SNX29: variants seen among roughly 807,000 people sequenced by gnomAD.
SNX29 encodes sorting nexin 29.
In SNX29, 78 loss-of-function variants were observed where a neutral mutation model predicts 102.1. That is an observed-to-expected ratio of 0.76 (90% CI 0.64 to 0.92). The LOEUF is 0.92. Among genes scored for constraint, SNX29 ranks in the 40% least tolerant of loss-of-function variants. The pLI, the probability that SNX29 is intolerant of heterozygous loss-of-function variation, is 0.00. For synonymous variants in SNX29, 580 were observed against 414.5 expected, an observed-to-expected ratio of 1.40 and a Z score of -4.85; for missense variants, 1,280 against 1,061.7, an observed-to-expected ratio of 1.21 and a Z score of -2.86.
intron 15 of SNX29, among the ~76,000 whole-genome samples, chr16:12,320,864 C>T (rs537280046): frequency 3.3e-5 from 5 of 152,278 alleles, no homozygotes; most frequent in Admixed American, 3.3e-4. Flanking sequence ...AATCTGGGAC[C>T]TGAGGTTGCC....
At chr16:12,310,930 C>T (rs1161568584) in intron 15 of SNX29, among the ~76,000 whole-genome samples, 1 of 152,214 alleles carries the variant, frequency 6.6e-6, no homozygotes, top group Non-Finnish European at 1.5e-5. Context: ...AGTAGCACAT[C>T]CCCCACAGGG....
intron 20 of SNX29, among the ~76,000 whole-genome samples, chr16:12,536,682 A>AG (rs2077092694): frequency 6.6e-6 from 1 of 152,178 alleles, no homozygotes; most frequent in Non-Finnish European, 1.5e-5. Flanking sequence ...GCTGGTATTA[A>AG]GAGGTGTTCA....
intron 13 of SNX29, among the ~76,000 whole-genome samples, chr16:12,164,047 G>A (rs1157432371): frequency 1.3e-5 from 2 of 152,190 alleles, no homozygotes; most frequent in Admixed American, 1.3e-4. Context: ...TTTTGGTTGG[G>A]AGGGTTTGCT....
chr16:12,076,366 T>C (rs545782511), intron 10 of SNX29, among the ~76,000 whole-genome samples: 26 of 150,904 alleles, frequency 1.7e-4, no homozygotes, highest in Non-Finnish European at 3.4e-4. Flanking sequence ...AGTGGCACCA[T>C]CTTGGCTCAC....
In SNX29 at chr16:12,573,894, G is replaced by C. The variant is rs554064328; in HGVS notation, c.*5265G>C. The C allele has an allele frequency of 9.7e-4, 201 of 206,216 alleles. No homozygotes were observed. Among genetic ancestry groups the C allele is most frequent in the African/African-American group, 4.4e-3 (192 of 43,920 alleles). The allele number at this position is 206,216 out of a possible 1,614,324, so 12.8% of individuals were successfully genotyped here. On this transcript the variant is annotated 3_prime_UTR_variant, in exon 21 of 21. Transcript: ENST00000566228. ...TCATCCCTGGCTTAGCCGTCAGGTA[G>C]AACGCTTACTCACCTGACACCGACT...
chr16:12,388,034 A>C (rs1368870779), intron 16 of SNX29, among the ~76,000 whole-genome samples: 4 of 152,268 alleles, frequency 2.6e-5, no homozygotes, highest in Non-Finnish European at 5.9e-5. Flanking sequence ...CGTGTGGTTA[A>C]CAGCAAATGG....
chr16:12,152,190 C>A (rs1413210340), intron 13 of SNX29, among the ~76,000 whole-genome samples: 1 of 152,010 alleles, frequency 6.6e-6, no homozygotes, highest in Admixed American at 6.6e-5. Context: ...CGTTGCACTC[C>A]AGCCTGGGCA....
chr16:12,407,679 C>T (rs775838349), intron 18 of SNX29, among the ~76,000 whole-genome samples: 2 of 152,154 alleles, frequency 1.3e-5, no homozygotes, highest in Non-Finnish European at 2.9e-5. Flanking sequence ...ACTCTTACCC[C>T]ATTTTATAGG....
chr16:12,524,643 G>A (rs2090228361), intron 19 of SNX29, 59 bp from the exon 20 acceptor site: 2 of 1,579,314 alleles, frequency 1.3e-6, no homozygotes, highest in Non-Finnish European at 1.7e-6. Context: ...GTTCTATAGG[G>A]TCATTTCTGA....
intron 19 of SNX29, among the ~76,000 whole-genome samples, chr16:12,515,289 G>A (rs181571267): frequency 1.1e-4 from 17 of 152,284 alleles, no homozygotes; most frequent in African/African-American, 4.1e-4. Context: ...GTTCCACGAA[G>A]GCGGGATCCA....
intron 20 of SNX29, among the ~76,000 whole-genome samples, chr16:12,537,521 T>G (rs180789186): frequency 6.6e-6 from 1 of 152,308 alleles, no homozygotes; most frequent in African/African-American, 2.4e-5. Context: ...GTTGGGAGGA[T>G]TAAAGGAAAT....
intron 19 of SNX29, among the ~76,000 whole-genome samples, chr16:12,517,209 G>A (rs2089904353): frequency 6.6e-6 from 1 of 152,148 alleles, no homozygotes; most frequent in Non-Finnish European, 1.5e-5. Context: ...CATACGCTGG[G>A]TTTGCCTCCA....
intron 16 of SNX29, among the ~76,000 whole-genome samples, chr16:12,362,841 G>T (rs543179720): frequency 2.0e-5 from 3 of 151,862 alleles, no homozygotes; most frequent in Non-Finnish European, 4.4e-5. Flanking sequence ...TATCTTTCCC[G>T]CGTCCACAAG....
At chr16:12,527,231 A>G (rs1469458838) in intron 20 of SNX29, 3 of 533,944 alleles carry the variant, frequency 5.6e-6, no homozygotes, top group Non-Finnish European at 1.1e-5. Context: ...TGGATCAGCC[A>G]CAGCCAAGCC....
chr16:12,318,116 A>G (rs1366398413), intron 15 of SNX29, among the ~76,000 whole-genome samples: 1 of 152,232 alleles, frequency 6.6e-6, no homozygotes, highest in East Asian at 1.9e-4. Context: ...CCCATTTCAC[A>G]TGTGAGCCCC....
At chr16:12,005,520 C>T (rs1432140511) in intron 3 of SNX29, among the ~76,000 whole-genome samples, 1 of 152,116 alleles carries the variant, frequency 6.6e-6, no homozygotes, top group East Asian at 1.9e-4. Context: ...TTAGGAAAGA[C>T]TCCTCCTTCC....
rs375249094 is a variant in SNX29 at position 12,563,561 on chromosome 16, C to T, written c.2319-4945C>T. ...TCCCACCACTACCTGAGGGGTCTAC[C>T]CCACCCCTTTGGGTGGTGGCTTAGG... On this transcript the variant is annotated intron_variant, in intron 20 of 20. Coordinates refer to ENST00000566228, the MANE Select transcript of SNX29 (RefSeq NM_032167.5). 3.3e-5 allele frequency among the ~76,000 whole-genome samples: 5 copies of T among 152,244 alleles called. No individual in the cohort carries two copies. In the East Asian group the frequency reaches 9.7e-4, roughly 29 times the overall value.
chr16:12,330,218 G>T (rs982209437), intron 15 of SNX29, among the ~76,000 whole-genome samples: 1 of 152,298 alleles, frequency 6.6e-6, no homozygotes, highest in Admixed American at 6.5e-5. Context: ...GTCCCCTTGT[G>T]GCCTTGAGTA....
In SNX29 at chr16:12,103,215, A is replaced by T. The variant is rs137951577; in HGVS notation, c.1403-23418A>T. ...TTAGAAAAAAACTGCTTTAAATTTC[A>T]TATGGAACCAAAAAAGAGCCCATAT... On this transcript the variant is annotated intron_variant, in intron 11 of 20. Coordinates refer to ENST00000566228, the MANE Select transcript of SNX29 (RefSeq NM_032167.5). Among the ~76,000 whole-genome samples the T allele has an allele frequency of 5.1e-3, 777 of 152,334 alleles. 6 individuals carry two copies. The highest frequency in any genetic ancestry group is 0.018 in the African/African-American group (743 of 41,572).
Sources: allele counts gnomAD v4.1 joint callset (sites outside exome capture counted in the v4.1 genomes callset), GRCh38; gene constraint gnomAD v4.1.1; transcripts MANE v1.5; gene names NCBI Gene and HGNC (gene_info 2026-07-23, HGNC 2026-07-21).